Variants in CCNY observed in about 807,000 individuals in gnomAD.
CCNY encodes the protein cyclin Y.
A neutral mutation model predicts 42.8 loss-of-function variants in CCNY; 19 were observed. That is an observed-to-expected ratio of 0.44 (90% CI 0.31 to 0.65). The LOEUF (loss-of-function observed/expected upper bound fraction) is 0.65. CCNY is among the 30% of genes least tolerant of loss of function. The pLI is 0.07. For missense variants in CCNY, 370 were observed against 437.3 expected (o/e 0.85, Z 1.37); for synonymous variants, 165 against 162.7 (o/e 1.01, Z -0.11).
chr10:35,317,821 G>C (rs1438505033), intron 3 of CCNY, among the ~76,000 whole-genome samples: 1 of 152,156 alleles, frequency 6.6e-6, no homozygotes, highest in Non-Finnish European at 1.5e-5. Flanking sequence ...AGCACCGTTT[G>C]GAGGAAGCTA....
At chr10:35,558,180 A>G (rs771657409) in intron 8 of CCNY, among the ~76,000 whole-genome samples, 15 of 152,162 alleles carry the variant, frequency 9.9e-5, no homozygotes, top group Non-Finnish European at 1.8e-4. Context: ...ACATGTTGGG[A>G]TATAGTCCCT....
intron 7 of CCNY, among the ~76,000 whole-genome samples, chr10:35,550,876 C>T (rs1485059556): frequency 2.0e-5 from 3 of 152,126 alleles, no homozygotes; most frequent in African/African-American, 7.2e-5. Context: ...TCTTAAGCCT[C>T]CCCCAGGTCC....
intron 1 of CCNY, among the ~76,000 whole-genome samples, chr10:35,355,288 G>T (rs1447077670): frequency 6.6e-6 from 1 of 152,152 alleles, no homozygotes; most frequent in Non-Finnish European, 1.5e-5. Context: ...ATCCATATTT[G>T]ATTTTTTTCC....
At position 35,530,362 on chromosome 10, in the gene CCNY, C is replaced by G. The variant is rs1048508678; in HGVS notation, c.579+119C>G. The G allele has an allele frequency of 4.1e-6, 5 of 1,224,028 alleles. No homozygotes were observed. Among genetic ancestry groups the G allele is most frequent in the South Asian group, 4.0e-5 (3 of 74,616 alleles). The allele number at this position is 1,224,028 out of a possible 1,614,324, so 75.8% of individuals were successfully genotyped here. On this transcript the variant is annotated intron_variant, in intron 7 of 9. Transcript: ENST00000374704. The surrounding 1 kb of genome is among the most constrained non-coding windows in gnomAD (Gnocchi z 4.3). ...CCTCACCAGGTTACCCTGTGGACAC[C>G]GTGGCATAAGCTTCAGTGTTGTCGT... is the stretch of plus-strand genomic sequence containing the variant.
rs368118697 is a variant in CCNY at position 35,529,953 on chromosome 10, T to C, written c.402-20T>C. On this transcript the variant is annotated intron_variant, in intron 5 of 9. Transcript: ENST00000374704. ...TTCTTGCAGAAAGTAAGTTTCATTT[T>C]CTATTATTTTCCCTACCAGGGACCC... is the stretch of plus-strand genomic sequence containing the variant. 316 of 1,597,970 alleles carry C rather than the reference T, an allele frequency of 2.0e-4. 4 individuals carry two copies. In the South Asian group the frequency reaches 3.3e-3, roughly 17 times the overall value.
chr10:35,351,219 G>T (rs954189057), intron 1 of CCNY, among the ~76,000 whole-genome samples: 2 of 152,244 alleles, frequency 1.3e-5, no homozygotes, highest in African/African-American at 4.8e-5. Context: ...ATGTCAGTGT[G>T]TGCACAACCA....
At chr10:35,395,611 C>T (rs112888669) in intron 1 of CCNY, among the ~76,000 whole-genome samples, 1 of 152,116 alleles carries the variant, frequency 6.6e-6, no homozygotes, top group African/African-American at 2.4e-5. Flanking sequence ...GGCAATTCAG[C>T]TAAACTGACT....
intron 1 of CCNY, among the ~76,000 whole-genome samples, chr10:35,351,910 A>T (rs1182195155): frequency 2.0e-5 from 3 of 152,158 alleles, no homozygotes; most frequent in African/African-American, 7.2e-5. Context: ...TTTATTATAC[A>T]CTTTGGTGGT....
At chr10:35,394,146 G>A (rs1043109677) in intron 1 of CCNY, among the ~76,000 whole-genome samples, 1 of 152,170 alleles carries the variant, frequency 6.6e-6, no homozygotes, top group African/African-American at 2.4e-5. Context: ...TCCAAGAGAC[G>A]TGGAGCTGTG....
intron 3 of CCNY, among the ~76,000 whole-genome samples, chr10:35,251,281 C>A (rs956920336): frequency 1.3e-5 from 2 of 152,016 alleles, no homozygotes; most frequent in African/African-American, 4.8e-5. Context: ...TACATATGAG[C>A]AAATATAATA....
intron 1 of CCNY, among the ~76,000 whole-genome samples, chr10:35,389,301 C>T (rs1234326528): frequency 6.6e-6 from 1 of 152,100 alleles, no homozygotes; most frequent in Admixed American, 6.5e-5. Context: ...AGGCACTGTT[C>T]GTTTCATCTT....
chr10:35,303,718 G>A (rs960797005), intron 3 of CCNY, among the ~76,000 whole-genome samples: 5 of 147,312 alleles, frequency 3.4e-5, no homozygotes, highest in African/African-American at 1.3e-4. Context: ...CGGAGGTTGC[G>A]GTGAGCCGAG....
chr10:35,544,011 G>A (rs1841059423), intron 7 of CCNY, among the ~76,000 whole-genome samples: 1 of 152,166 alleles, frequency 6.6e-6, no homozygotes, highest in African/African-American at 2.4e-5. Flanking sequence ...TATGATGTAT[G>A]TTTTTACCTA....
At chr10:35,534,377 T>C (rs1840836090) in intron 7 of CCNY, among the ~76,000 whole-genome samples, 1 of 152,132 alleles carries the variant, frequency 6.6e-6, no homozygotes, top group Non-Finnish European at 1.5e-5. Flanking sequence ...GGGACATCAC[T>C]CAACTGAACC....
At chr10:35,438,065 G>A (rs922778807) in intron 1 of CCNY, among the ~76,000 whole-genome samples, 1 of 151,608 alleles carries the variant, frequency 6.6e-6, no homozygotes, top group Non-Finnish European at 1.5e-5. Flanking sequence ...CTCTGCATGC[G>A]TATTTATCAT....
chr10:35,558,797 A>G (rs1841409859), intron 8 of CCNY, among the ~76,000 whole-genome samples: 1 of 152,240 alleles, frequency 6.6e-6, no homozygotes, highest in African/African-American at 2.4e-5. Context: ...TTGGACTAGT[A>G]GCCTCTAGAA....
At chr10:35,259,669 ATTGTTTTTTT>A (rs72305787) in intron 3 of CCNY, among the ~76,000 whole-genome samples, 53,702 of 115,018 alleles carry the variant, frequency 0.47, 10,198 homozygotes, top group African/African-American at 0.56. Flanking sequence ...TGCCTGGCTA[ATTGTTTTTTT>A]TTTTTTTTTT....
chr10:35,405,773 C>CA (rs1350527744), intron 1 of CCNY, among the ~76,000 whole-genome samples: 1 of 152,228 alleles, frequency 6.6e-6, no homozygotes. Context: ...TGGGCAGTGT[C>CA]AGTCTTCAGC....
intron 2 of CCNY, among the ~76,000 whole-genome samples, chr10:35,495,351 C>T (rs1458734085): frequency 1.3e-5 from 2 of 152,288 alleles, no homozygotes; most frequent in East Asian, 3.9e-4. Flanking sequence ...AATCCTTTGG[C>T]CTTAGATATT....
Sources: allele counts gnomAD v4.1 joint callset (sites outside exome capture counted in the v4.1 genomes callset), GRCh38; gene constraint gnomAD v4.1.1; non-coding constraint Gnocchi (gnomAD v3.1); transcripts MANE v1.5; gene names NCBI Gene and HGNC (gene_info 2026-07-23, HGNC 2026-07-21).